The following CDC5L variants were observed in gnomAD, a reference collection of about 807,000 sequenced individuals.
The protein encoded by CDC5L is cell division cycle 5-like protein.
Under a neutral mutation model 104.1 loss-of-function variants are expected in CDC5L, and 18 were observed. The observed-to-expected ratio is 0.17, with a 90% CI of 0.12 to 0.26. The LOEUF is 0.26. Among genes scored for constraint, CDC5L ranks in the 10% least tolerant of loss-of-function variants. The pLI, the probability that CDC5L is intolerant of heterozygous loss-of-function variation, is 1.00. For missense variants in CDC5L, 673 were observed against 956.9 expected (o/e 0.70, Z 3.91); for synonymous variants, 331 against 322.7 (o/e 1.03, Z -0.28).
chr6:44,422,605 T>C (rs755843087), intron 9 of CDC5L, 42 bp from the exon 10 acceptor site: 1 of 1,330,664 alleles, frequency 7.5e-7, no homozygotes, highest in East Asian at 2.6e-5. Context: ...ACAATCCAAA[T>C]GTAAGTGGCA....
At chr6:44,402,015 T>C in intron 5 of CDC5L, among the ~76,000 whole-genome samples, 1 of 135,462 alleles carries the variant, frequency 7.4e-6, no homozygotes, top group African/African-American at 2.8e-5. Flanking sequence ...TAGTATTCCA[T>C]GGTGTATATG....
chr6:44,390,222 A>C, intron 1 of CDC5L, 46 bp from the exon 2 acceptor site: 1 of 1,248,734 alleles, frequency 8.0e-7, no homozygotes, highest in Non-Finnish European at 1.2e-6. Flanking sequence ...GTCTTTTCCC[A>C]CTTGGAGTTT....
chr6:44,422,923 C>A, intron 10 of CDC5L, 114 bp downstream of exon 10: 1 of 530,496 alleles, frequency 1.9e-6, no homozygotes, highest in Middle Eastern at 5.5e-4. Context: ...ATCTATACAC[C>A]TGTGGATGCC....
chr6:44,422,890 T>G, intron 10 of CDC5L, 81 bp downstream of exon 10: 1 of 854,238 alleles, frequency 1.2e-6, no homozygotes, highest in Non-Finnish European at 1.9e-6. Context: ...CTCCTGTTAG[T>G]GCATATCACA....
At position 44,424,534 on chromosome 6, in the gene CDC5L, T is replaced by C. The variant is rs1178484806; in HGVS notation, c.1520T>C (p.Ile507Thr). ...GAGAAGGAGCTGGAAGAACGTGAAA[T>C]AGATGATACTTACATTGAAGATGCT... ...NAEKELEERE[I>T]DDTYIEDAAD... Residue 507 changes from isoleucine (I) to threonine (T), a missense_variant, in exon 11 of 16, where the codon ATA (isoleucine) becomes ACA (threonine). Physicochemically the swap from Ile to Thr is moderately conservative, Grantham distance 89 (BLOSUM62 -1). Around this residue, in one of 4 missense-constraint regions of CDC5L, gnomAD observed 578 missense variants for 737.0 expected, o/e 0.78. Coordinates refer to ENST00000371477, the MANE Select transcript of CDC5L (RefSeq NM_001253.4). 1 of 1,613,938 alleles carries C rather than the reference T, an allele frequency of 6.2e-7. No individual in the cohort carries two copies. Among genetic ancestry groups the C allele is most frequent in the Admixed American group, 1.7e-5 (1 of 59,982 alleles).
intron 8 of CDC5L, among the ~76,000 whole-genome samples, chr6:44,413,746 A>G (rs1220854928): frequency 2.6e-5 from 4 of 151,962 alleles, no homozygotes; most frequent in African/African-American, 4.8e-5. Flanking sequence ...ACCAGGCCCA[A>G]TTAATTTTCT....
intron 6 of CDC5L, among the ~76,000 whole-genome samples, chr6:44,405,908 CTT>C (rs554793557): frequency 3.5e-5 from 5 of 144,512 alleles, no homozygotes. Context: ...TAGCTATTTT[CTT>C]TTTTTTTTTG....
chr6:44,408,329 TG>T, intron 7 of CDC5L, 114 bp from the exon 8 acceptor site: 1 of 625,134 alleles, frequency 1.6e-6, no homozygotes, highest in Non-Finnish European at 2.6e-6. Flanking sequence ...CCCGAACTCC[TG>T]GGCTCAAACA....
Position 44,450,362 on chromosome 6 carries a change from G to C in CDC5L, c.*3651G>C, listed in dbSNP as rs973903652. ...CTTTATAACTGTCAGTTTCTTTTGT[G>C]ACTATTATGTTACCTATTTTTAAAT... is the stretch of plus-strand genomic sequence containing the variant. On this transcript the variant is annotated 3_prime_UTR_variant, in exon 16 of 16. Coordinates refer to ENST00000371477, the MANE Select transcript of CDC5L (RefSeq NM_001253.4). The C allele has an allele frequency of 6.6e-6, 1 of 152,044 alleles. No homozygotes were observed. Among genetic ancestry groups the C allele is most frequent in the African/African-American group, 2.4e-5 (1 of 41,398 alleles). The allele number at this position is 152,044 out of a possible 1,614,324, so 9.4% of individuals were successfully genotyped here. A position where few individuals can be genotyped will look rare whatever the true frequency, so the allele number is the denominator to read the frequency against.
intron 13 of CDC5L, among the ~76,000 whole-genome samples, chr6:44,427,021 C>T (rs1792454881): frequency 6.6e-6 from 1 of 152,170 alleles, no homozygotes; most frequent in East Asian, 1.9e-4. Context: ...GTATTCAGCT[C>T]TGCTATCTCT....
chr6:44,423,203 G>T (rs1792269226), intron 10 of CDC5L, among the ~76,000 whole-genome samples: 1 of 152,010 alleles, frequency 6.6e-6, no homozygotes, highest in African/African-American at 2.4e-5. Context: ...AATGATACTG[G>T]CTTGTCTTCA....
intron 9 of CDC5L, among the ~76,000 whole-genome samples, chr6:44,421,220 AGTTT>A (rs1483949203): frequency 1.3e-5 from 2 of 152,230 alleles, no homozygotes; most frequent in Non-Finnish European, 2.9e-5. Context: ...TGCAGGTAGC[AGTTT>A]GTTTGATCCC....
chr6:44,429,460 T>C (rs963458317), intron 13 of CDC5L, among the ~76,000 whole-genome samples: 4 of 152,218 alleles, frequency 2.6e-5, no homozygotes, highest in Non-Finnish European at 2.9e-5. Flanking sequence ...GCTGCTGTTA[T>C]AGTGAGTGAA....
chr6:44,445,016 A>G (rs1433078993), intron 14 of CDC5L, among the ~76,000 whole-genome samples: 1 of 152,228 alleles, frequency 6.6e-6, no homozygotes, highest in Admixed American at 6.5e-5. Context: ...CCACTGGTAG[A>G]CTGTGCCATG....
rs923123770 is a variant in CDC5L at position 44,447,790 on chromosome 6, T to C, written c.*1079T>C. On this transcript the variant is annotated 3_prime_UTR_variant, in exon 16 of 16. Transcript: ENST00000371477. ...GACAATTAAAATCCAAATGTTTATT[T>C]GGTGATTCTTATGTGTCAGACACTT... 6.6e-6 allele frequency: 1 copy of C among 152,202 alleles called. No individual in the cohort carries two copies. The highest frequency in any genetic ancestry group is 2.4e-5 in the African/African-American group (1 of 41,452). 9.4% of individuals were successfully genotyped at this position (152,202 alleles called of 1,614,324 possible).
intron 8 of CDC5L, among the ~76,000 whole-genome samples, chr6:44,416,239 A>T (rs1791902206): frequency 6.6e-6 from 1 of 152,178 alleles, no homozygotes; most frequent in Non-Finnish European, 1.5e-5. Context: ...TAAAGGTCTG[A>T]AAAGGAGTGT....
chr6:44,441,923 G>A (rs1227347916), intron 14 of CDC5L, among the ~76,000 whole-genome samples: 1 of 143,764 alleles, frequency 7.0e-6, no homozygotes, highest in Non-Finnish European at 1.5e-5. Flanking sequence ...CACTTTGTAA[G>A]GTCTTGTTCT....
At chr6:44,445,269 C>T (rs1793395004) in intron 14 of CDC5L, among the ~76,000 whole-genome samples, 1 of 151,966 alleles carries the variant, frequency 6.6e-6, no homozygotes, top group African/African-American at 2.4e-5. Context: ...AACAGACTCC[C>T]AGAAATAAAT....
In CDC5L at chr6:44,406,335, A is replaced by G; in HGVS notation, c.771A>G (p.Gly257=). The change falls in exon 7 of 16, where the codon GGA becomes GGG. Residue 257 remains glycine (G), a synonymous_variant. Coordinates refer to ENST00000371477, the MANE Select transcript of CDC5L (RefSeq NM_001253.4). ...LDGELRSEKE[G]RDRKKDKQHL... ...TGATCCATGACAGTGAAAAAGAAGG[A>G]AGAGATAGAAAAAAAGACAAACAGC... is the stretch of plus-strand genomic sequence containing the variant. 6.2e-7 allele frequency: 1 copy of G among 1,604,344 alleles called. No homozygotes were observed. Among genetic ancestry groups the G allele is most frequent in the Non-Finnish European group, 8.5e-7 (1 of 1,174,070 alleles).
Sources: gnomAD v4.1 joint callset for allele counts (sites outside exome capture counted in the v4.1 genomes callset) on GRCh38, gnomAD v4.1.1 for gene constraint, gnomAD v4.1.1 regional missense constraint, MANE v1.5 for transcripts, NCBI Gene and HGNC (gene_info 2026-07-23, HGNC 2026-07-21) for gene names.